Variants in NIPBL observed in about 807,000 individuals in gnomAD.
NIPBL encodes nipped-B-like protein.
NIPBL carries 19 observed loss-of-function variants against 321.8 expected under a neutral mutation model. The observed-to-expected ratio is 0.06, with a 90% confidence interval of 0.04 to 0.09. The LOEUF is 0.09. Among genes scored for constraint, NIPBL ranks in the 10% least tolerant of loss-of-function variants. NIPBL has a pLI of 1.00. For synonymous variants in NIPBL, 1,106 were observed against 1,114.1 expected, an observed-to-expected ratio of 0.99 and a Z score of 0.14; for missense variants, 2,210 against 3,327.0, an observed-to-expected ratio of 0.66 and a Z score of 8.26.
chr5:36,878,963 C>G (rs1745303107), intron 1 of NIPBL, among the ~76,000 whole-genome samples: 1 of 145,876 alleles, frequency 6.9e-6, no homozygotes, highest in South Asian at 2.2e-4. Flanking sequence ...GGCCTCAGGC[C>G]TACTGCGGGT....
chr5:37,049,423 T>G, intron 40 of NIPBL, 122 bp downstream of exon 40: 2 of 1,096,008 alleles, frequency 1.8e-6, no homozygotes, highest in Admixed American at 3.5e-5. Context: ...TACTAAACTC[T>G]TAAGAATCTG....
In NIPBL at chr5:37,048,489, C is replaced by T. The variant is rs201186618; in HGVS notation, c.6590-13C>T. 8.0e-6 allele frequency: 12 copies of T among 1,506,296 alleles called. No individual in the cohort carries two copies. The highest frequency in any genetic ancestry group is 1.1e-5 in the Non-Finnish European group (12 of 1,120,352). The allele number at this position is 1,506,296 out of a possible 1,614,324, so 93.3% of individuals were successfully genotyped here. On this transcript the variant is annotated splice_polypyrimidine_tract_variant and intron_variant, in intron 38 of 46. Coordinates refer to ENST00000282516, the MANE Select transcript of NIPBL (RefSeq NM_133433.4). The stretch of plus-strand genomic sequence containing the variant: ...ATATGAATATATGATGAGATTTTTC[C>T]CCTCTCCCATAGGATTTGCCTTTAT...
In NIPBL at chr5:36,995,933, G is replaced by GT. The variant is rs146311166; in HGVS notation, c.3304+136dup. 8,951 of 764,352 alleles carry GT rather than the reference G, an allele frequency of 0.012. 608 individuals are homozygous for GT. In the African/African-American group the frequency reaches 0.14, roughly 12 times the overall value. The allele number at this position is 764,352 out of a possible 1,614,324, so 47.3% of individuals were successfully genotyped here. A position where few individuals can be genotyped will look rare whatever the true frequency, so the allele number is the denominator to read the frequency against. On this transcript the variant is annotated intron_variant, in intron 11 of 46. Transcript: ENST00000282516. The stretch of plus-strand genomic sequence containing the variant: ...AATTCTTAATAACACAGTATAGTAA[G>GT]TTTTTTTCTCTATACTTTAAAAATG...
Position 37,021,021 on chromosome 5 carries a change from G to T in NIPBL, c.5328+144G>T, listed in dbSNP as rs781255314. The T allele has an allele frequency of 6.6e-5, 49 of 736,994 alleles. No homozygotes were observed. The South Asian group carries it at 7.2e-4, about 11-fold the overall frequency. 45.7% of individuals were successfully genotyped at this position (736,994 alleles called of 1,614,324 possible). A position where few individuals can be genotyped will look rare whatever the true frequency, so the allele number is the denominator to read the frequency against. On this transcript the variant is annotated intron_variant, in intron 27 of 46. Transcript: ENST00000282516. ...GTATTTGTTTTTAGGTTCTCCGGCC[G>T]GGTGTAGTGGCTCACGCCTGTAATC...
At chr5:36,968,980 A>G (rs1205895609) in intron 6 of NIPBL, among the ~76,000 whole-genome samples, 2 of 152,230 alleles carry the variant, frequency 1.3e-5, no homozygotes, top group Non-Finnish European at 2.9e-5. Context: ...TAGTTACTGG[A>G]CACAGCATCA....
intron 34 of NIPBL, among the ~76,000 whole-genome samples, chr5:37,041,919 T>C (rs1161473450): frequency 3.9e-5 from 6 of 151,980 alleles, no homozygotes; most frequent in African/African-American, 1.5e-4. Flanking sequence ...CAAATGAATA[T>C]CTTACCCAAC....
At chr5:37,025,829 T>A in intron 30 of NIPBL, among the ~76,000 whole-genome samples, 1 of 152,100 alleles carries the variant, frequency 6.6e-6, no homozygotes, top group Middle Eastern at 3.2e-3. Context: ...TTAAGTTTAG[T>A]CCTAAATTCA....
At chr5:36,908,511 G>A (rs1255677814) in intron 1 of NIPBL, among the ~76,000 whole-genome samples, 1 of 151,966 alleles carries the variant, frequency 6.6e-6, no homozygotes, top group East Asian at 1.9e-4. Flanking sequence ...GAATTCACCT[G>A]TATGTGGTAC....
chr5:37,015,528 G>A (rs1365649549), intron 22 of NIPBL, among the ~76,000 whole-genome samples: 3 of 152,030 alleles, frequency 2.0e-5, no homozygotes, highest in Admixed American at 6.5e-5. Context: ...AGGTCAGTTC[G>A]AGACCAGCCT....
rs530429396 is a variant in NIPBL, at chr5:37,048,416, G to A, written c.6590-86G>A. ...TTTTAATTTTTTGAAATAAGGAGCC[G>A]TTTATATAATTTATTAACATATTTA... is the stretch of plus-strand genomic sequence containing the variant. On this transcript the variant is annotated intron_variant, in intron 38 of 46. Coordinates refer to ENST00000282516, the MANE Select transcript of NIPBL (RefSeq NM_133433.4). 3.3e-5 allele frequency: 27 copies of A among 829,556 alleles called. 1 individual carries two copies. The highest frequency in any genetic ancestry group is 8.1e-4 in the Middle Eastern group (2 of 2,474). The allele number at this position is 829,556 out of a possible 1,614,324, so 51.4% of individuals were successfully genotyped here. A position where few individuals can be genotyped will look rare whatever the true frequency, so the allele number is the denominator to read the frequency against.
At chr5:37,052,784 C>A (rs1753705960) in intron 42 of NIPBL, among the ~76,000 whole-genome samples, 1 of 152,084 alleles carries the variant, frequency 6.6e-6, no homozygotes, top group Non-Finnish European at 1.5e-5. Flanking sequence ...ATAATTTTGC[C>A]TCCATACTGA....
chr5:36,972,260 T>G (rs1026306841), intron 8 of NIPBL, among the ~76,000 whole-genome samples: 5 of 152,164 alleles, frequency 3.3e-5, no homozygotes, highest in Non-Finnish European at 5.9e-5. Flanking sequence ...CTGTTGATAG[T>G]ATTCTCGGAT....
At chr5:37,013,267 C>T (rs1436455524) in intron 21 of NIPBL, among the ~76,000 whole-genome samples, 2 of 149,392 alleles carry the variant, frequency 1.3e-5, no homozygotes, top group African/African-American at 4.9e-5. Context: ...CCCCTCACCT[C>T]GCGGATGGGG....
chr5:37,002,936 AG>A (rs1391215234), intron 15 of NIPBL, among the ~76,000 whole-genome samples, 171 bp downstream of exon 15: 3 of 152,032 alleles, frequency 2.0e-5, no homozygotes, highest in African/African-American at 7.2e-5. Context: ...AAAAGAAAAA[AG>A]TATTCTGCAG....
At chr5:37,045,679 A>G (rs147668528) in intron 37 of NIPBL, 82 bp downstream of exon 37, 1 of 1,406,002 alleles carries the variant, frequency 7.1e-7, no homozygotes, top group South Asian at 1.2e-5. Flanking sequence ...GTGACCCAGG[A>G]TGAAGGCAAC....
At chr5:36,986,484 T>TC (rs1554017714) in intron 10 of NIPBL, among the ~76,000 whole-genome samples, 183 bp downstream of exon 10, 7 of 152,272 alleles carry the variant, frequency 4.6e-5, no homozygotes, top group Admixed American at 1.3e-4. Flanking sequence ...AATTTTTTTT[T>TC]CCCCACAGTT....
At position 37,025,572 on chromosome 5, in the gene NIPBL, G is replaced by A. The variant is rs138268771; in HGVS notation, c.5710-657G>A. On this transcript the variant is annotated intron_variant, in intron 30 of 46. Coordinates refer to ENST00000282516, the MANE Select transcript of NIPBL (RefSeq NM_133433.4). ...TTCACAGTTATCAAAAATACACCCA[G>A]AAGGAATAAAATTTAGTGTTCAGTA... Among the ~76,000 whole-genome samples, 3 of 152,170 alleles carry A rather than the reference G, an allele frequency of 2.0e-5. No homozygotes were observed. In the East Asian group the frequency reaches 5.8e-4, roughly 29 times the overall value.
chr5:36,970,118 C>T (rs1242529400), intron 6 of NIPBL, among the ~76,000 whole-genome samples: 1 of 152,064 alleles, frequency 6.6e-6, no homozygotes, highest in Non-Finnish European at 1.5e-5. Context: ...GGCACAGTGG[C>T]TCACATCTAC....
chr5:36,927,246 T>C (rs1580251306), intron 1 of NIPBL, among the ~76,000 whole-genome samples: 1 of 152,214 alleles, frequency 6.6e-6, no homozygotes, highest in South Asian at 2.1e-4. Flanking sequence ...ATTATAAGTA[T>C]TGTTTTCTCA....
Sources: allele counts gnomAD v4.1 joint callset (sites outside exome capture counted in the v4.1 genomes callset), GRCh38; gene constraint gnomAD v4.1.1; transcripts MANE v1.5; gene names NCBI Gene and HGNC (gene_info 2026-07-23, HGNC 2026-07-21).